Variants in NALF1 observed in about 807,000 individuals in gnomAD.
NALF1 encodes NALCN channel auxiliary factor 1.
In NALF1, 3 loss-of-function variants were observed where a neutral mutation model predicts 48.4. That is an observed-to-expected ratio of 0.06 (90% CI 0.03 to 0.16). NALF1 has a LOEUF of 0.16. Among genes scored for constraint, NALF1 ranks in the 10% least tolerant of loss-of-function variants. The pLI is 1.00. For synonymous variants in NALF1, 262 were observed against 245.7 expected (o/e 1.07, Z -0.62); for missense variants, 526 against 571.5 (o/e 0.92, Z 0.81).
intron 1 of NALF1, among the ~76,000 whole-genome samples, chr13:107,469,192 T>C (rs914238990): frequency 6.6e-6 from 1 of 152,178 alleles, no homozygotes; most frequent in Admixed American, 6.5e-5. Context: ...TTCAACAAGG[T>C]ATTCTATTTT....
chr13:107,704,992 C>A (rs902549107), intron 1 of NALF1, among the ~76,000 whole-genome samples: 2 of 152,162 alleles, frequency 1.3e-5, no homozygotes, highest in Non-Finnish European at 2.9e-5. Flanking sequence ...GAAATATGTT[C>A]TTCCAAATTC....
chr13:107,206,226 G>GA (rs1221157004), intron 2 of NALF1, among the ~76,000 whole-genome samples: 1 of 152,090 alleles, frequency 6.6e-6, no homozygotes, highest in East Asian at 1.9e-4. Context: ...AAATTCAAGA[G>GA]AAATCTCAGG....
intron 1 of NALF1, among the ~76,000 whole-genome samples, chr13:107,375,499 T>C (rs994061613): frequency 1.1e-4 from 16 of 152,142 alleles, no homozygotes; most frequent in Non-Finnish European, 5.9e-5. Context: ...AGGAAATGTC[T>C]CATTTTTGTG....
intron 1 of NALF1, among the ~76,000 whole-genome samples, chr13:107,805,961 C>T (rs1308373940): frequency 6.6e-6 from 1 of 152,068 alleles, no homozygotes; most frequent in Non-Finnish European, 1.5e-5. Flanking sequence ...AAAAGTGTTG[C>T]CTTAAATATT....
intron 1 of NALF1, among the ~76,000 whole-genome samples, chr13:107,751,445 A>G (rs973860047): frequency 6.6e-6 from 1 of 152,254 alleles, no homozygotes; most frequent in African/African-American, 2.4e-5. Context: ...CCAAACACAA[A>G]TAACTAACTG....
At chr13:107,632,425 T>C (rs1879858649) in intron 1 of NALF1, among the ~76,000 whole-genome samples, 1 of 152,096 alleles carries the variant, frequency 6.6e-6, no homozygotes, top group Non-Finnish European at 1.5e-5. Context: ...ATAATTTTTT[T>C]CCTACTCTCT....
chr13:107,191,277 G>A (rs568593191), intron 2 of NALF1, among the ~76,000 whole-genome samples: 77 of 151,426 alleles, frequency 5.1e-4, no homozygotes, highest in African/African-American at 1.7e-3. Flanking sequence ...AAAAAAAAAT[G>A]AGTTTGAAAT....
In NALF1 at chr13:107,170,530, G is replaced by A. The variant is rs775001459; in HGVS notation, c.1344C>T (p.Asn448=). The change falls in exon 3 of 3, where the codon AAC becomes AAT. Residue 448 remains asparagine, a synonymous_variant. Transcript: ENST00000375915. ...NTAGLSFGGI[N]TLEENSTNEE ...CATTGGTTGAGTTTTCTTCCAGCGTGTTGATGCCTCCAAAGCTCAGTCCGG... is the reference window on the plus strand; with the variant it reads ...CATTGGTTGAGTTTTCTTCCAGCGTATTGATGCCTCCAAAGCTCAGTCCGG... 2 of 1,608,464 alleles carry A rather than the reference G, an allele frequency of 1.2e-6. No homozygotes were observed. Among genetic ancestry groups the A allele is most frequent in the African/African-American group, 1.3e-5 (1 of 74,854 alleles).
Position 107,164,516 on chromosome 13 carries a change from A to AG in NALF1, c.*5980dup, listed in dbSNP as rs1878620080. The AG allele has an allele frequency of 6.6e-6, 1 of 152,092 alleles. No individual in the cohort carries two copies. Among genetic ancestry groups the AG allele is most frequent in the South Asian group, 2.1e-4 (1 of 4,832 alleles). The allele number at this position is 152,092 out of a possible 1,614,324, so 9.4% of individuals were successfully genotyped here. A position where few individuals can be genotyped will look rare whatever the true frequency, so the allele number is the denominator to read the frequency against. ...ATTTATATATATTTTTTGATCTATG[A>AG]GTGCCTTAAACAACCACTTTGAAGT... On this transcript the variant is annotated 3_prime_UTR_variant, in exon 3 of 3. Coordinates refer to ENST00000375915, the MANE Select transcript of NALF1 (RefSeq NM_001080396.3).
At chr13:107,865,635 A>T in intron 1 of NALF1, 47 bp downstream of exon 1, 1 of 1,574,774 alleles carries the variant, frequency 6.4e-7, no homozygotes, top group Non-Finnish European at 8.6e-7. Context: ...CCAACCAAGC[A>T]GAGATAGGAA....
chr13:107,281,147 G>A lies in NALF1; in HGVS notation c.916-70392C>T, dbSNP rs9587338. Among the ~76,000 whole-genome samples the A allele has an allele frequency of 3.5e-3, 532 of 152,252 alleles. 3 individuals carry two copies. Among genetic ancestry groups the A allele is most frequent in the African/African-American group, 0.012 (499 of 41,540 alleles). On this transcript the variant is annotated intron_variant, in intron 1 of 2. Transcript: ENST00000375915. ...GAGTGCTCGACACATGCAAGGTACT[G>A]CTAAATGCTTTGGGGAACATAAAAA...
At chr13:107,823,472 C>T (rs1161997583) in intron 1 of NALF1, among the ~76,000 whole-genome samples, 1 of 152,180 alleles carries the variant, frequency 6.6e-6, no homozygotes, top group Non-Finnish European at 1.5e-5. Flanking sequence ...CATCTCTTCA[C>T]CACGGCCAAG....
chr13:107,347,425 C>T (rs909912046), intron 1 of NALF1, among the ~76,000 whole-genome samples: 14 of 152,196 alleles, frequency 9.2e-5, no homozygotes, highest in Non-Finnish European at 2.1e-4. Flanking sequence ...GCTTTCCTAG[C>T]ACAACAAACA....
chr13:107,205,639 T>C (rs939401878), intron 2 of NALF1, among the ~76,000 whole-genome samples: 3 of 152,174 alleles, frequency 2.0e-5, no homozygotes, highest in Non-Finnish European at 2.9e-5. Context: ...AAAAATGGAA[T>C]GCAGAATTTA....
At chr13:107,567,326 CTAATG>C (rs1877842671) in intron 1 of NALF1, among the ~76,000 whole-genome samples, 1 of 152,082 alleles carries the variant, frequency 6.6e-6, no homozygotes, top group African/African-American at 2.4e-5. Context: ...ACGATCTCAT[CTAATG>C]TTAATATTAT....
chr13:107,223,880 T>C (rs1880044808), intron 1 of NALF1, among the ~76,000 whole-genome samples: 1 of 152,204 alleles, frequency 6.6e-6, no homozygotes, highest in South Asian at 2.1e-4. Context: ...AAAGAAGACT[T>C]TTCTCTGCTA....
intron 1 of NALF1, among the ~76,000 whole-genome samples, chr13:107,851,805 C>CATTTTTTTTTTTTTTTTTTTTTT (rs1555329721): frequency 6.7e-5 from 7 of 104,702 alleles, no homozygotes; most frequent in South Asian, 3.4e-4. Flanking sequence ...CAGGCCCTTT[C>CATTTTTTTTTTTTTTTTTTTTTT]TTTTTTTTTT....
At chr13:107,219,789 C>T (rs1217118082) in intron 1 of NALF1, among the ~76,000 whole-genome samples, 2 of 152,062 alleles carry the variant, frequency 1.3e-5, no homozygotes, top group Admixed American at 1.3e-4. Context: ...CTGTAACAGC[C>T]TCACTTAGTA....
chr13:107,707,032 C>A (rs1046811452), intron 1 of NALF1, among the ~76,000 whole-genome samples: 1 of 144,698 alleles, frequency 6.9e-6, no homozygotes, highest in African/African-American at 2.6e-5. Context: ...ACGCCATTCT[C>A]CTGCCTCAGC....
Sources: gnomAD v4.1 joint callset for allele counts (sites outside exome capture counted in the v4.1 genomes callset) on GRCh38, gnomAD v4.1.1 for gene constraint, MANE v1.5 for transcripts, NCBI Gene and HGNC (gene_info 2026-07-23, HGNC 2026-07-21) for gene names.